Variants in THNSL1 observed in about 807,000 individuals in gnomAD.
The protein encoded by THNSL1 is threonine synthase like 1.
Under a neutral mutation model 50.4 loss-of-function variants are expected in THNSL1, and 48 were observed. The observed-to-expected ratio is 0.95, with a 90% confidence interval of 0.76 to 1.21. The LOEUF (loss-of-function observed/expected upper bound fraction) is 1.21. Ranked by LOEUF, THNSL1 falls within the 50% of genes most tolerant of loss-of-function variation. THNSL1 has a pLI of 0.00. For synonymous variants in THNSL1, 309 were observed against 306.1 expected, an observed-to-expected ratio of 1.01 and a Z score of -0.10; for missense variants, 896 against 871.7, an observed-to-expected ratio of 1.03 and a Z score of -0.35.
the THNSL1 span, chr10:24,983,334 C>T: frequency 6.6e-6 from 1 of 151,958 alleles, no homozygotes; most frequent in Non-Finnish European, 1.5e-5. Flanking sequence ...TCAGATGCAT[C>T]CTACCCACTC....
intron 2 of THNSL1, 116 bp from the exon 3 acceptor site, chr10:25,023,060 C>T: frequency 1.8e-6 from 1 of 571,122 alleles, no homozygotes; most frequent in Non-Finnish European, 2.8e-6. Context: ...GATTTTTAAA[C>T]AGTTTATGTA....
the THNSL1 span, among the ~76,000 whole-genome samples, chr10:24,996,456 G>GTGTATATATATA: frequency 2.7e-5 from 4 of 149,712 alleles, no homozygotes; most frequent in African/African-American, 9.9e-5. Flanking sequence ...GTGTGTGTGT[G>GTGTATATATATA]TATATATATA....
At chr10:25,005,621 G>T in the THNSL1 span, among the ~76,000 whole-genome samples, 3 of 152,292 alleles carry the variant, frequency 2.0e-5, no homozygotes, top group South Asian at 4.1e-4. Flanking sequence ...TTCTTGAGGA[G>T]AATTTTTACA....
chr10:25,016,199 G>C (rs1052941086), upstream of THNSL1: 1 of 1,171,542 alleles, frequency 8.5e-7, no homozygotes, highest in Admixed American at 4.6e-5. Context: ...CGAGGAAGTG[G>C]CAGGCAGCAC....
the THNSL1 span, among the ~76,000 whole-genome samples, chr10:24,962,844 G>T: frequency 6.6e-6 from 1 of 152,078 alleles, no homozygotes. Flanking sequence ...TTGTCTCTTG[G>T]CTTGAGAAAG....
chr10:25,014,595 C>T (rs1850523670), upstream of THNSL1, among the ~76,000 whole-genome samples: 1 of 151,926 alleles, frequency 6.6e-6, no homozygotes, highest in African/African-American at 2.4e-5. Context: ...AATAAAATAA[C>T]TCTCAAATTC....
rs760568760 is a variant in THNSL1 at position 25,023,309 on chromosome 10, C to T, written c.86C>T (p.Ala29Val). ...SSIHVKTDKH[A>V]QRFLSRTFAL... ...ATACATGTTAAAACGGATAAACATGCACAGCGATTTCTTTCAAGAACCTTT... is the reference window on the plus strand; with the variant it reads ...ATACATGTTAAAACGGATAAACATGTACAGCGATTTCTTTCAAGAACCTTT... Residue 29 changes from alanine (A) to valine (V), a missense_variant, in exon 3 of 3, where the codon GCA becomes GTA. Coordinates refer to ENST00000376356, the MANE Select transcript of THNSL1 (RefSeq NM_024838.5). 6.2e-7 allele frequency: 1 copy of T among 1,614,074 alleles called. No individual in the cohort carries two copies. Among genetic ancestry groups the T allele is most frequent in the South Asian group, 1.1e-5 (1 of 91,072 alleles).
the THNSL1 span, chr10:24,984,960 A>C: frequency 1.5e-6 from 2 of 1,373,972 alleles, no homozygotes; most frequent in Non-Finnish European, 2.0e-6. Context: ...AAGTAAAGGA[A>C]ATGGGAAAAG....
At chr10:24,990,897 C>G in the THNSL1 span, among the ~76,000 whole-genome samples, 2 of 152,022 alleles carry the variant, frequency 1.3e-5, no homozygotes, top group Non-Finnish European at 2.9e-5. Flanking sequence ...GTCAGGAGTT[C>G]GAGACCAGCC....
the THNSL1 span, among the ~76,000 whole-genome samples, chr10:24,974,751 T>C: frequency 6.6e-6 from 1 of 151,784 alleles, no homozygotes; most frequent in Admixed American, 6.6e-5. Context: ...TTATAAAATA[T>C]TCTTAGAAAA....
chr10:24,987,256 G>A, the THNSL1 span, among the ~76,000 whole-genome samples: 5 of 152,276 alleles, frequency 3.3e-5, no homozygotes, highest in African/African-American at 1.2e-4. Flanking sequence ...CGTAGGTGGT[G>A]GTAAATTCCT....
At chr10:24,956,954 C>A in the THNSL1 span, among the ~76,000 whole-genome samples, 1 of 152,154 alleles carries the variant, frequency 6.6e-6, no homozygotes, top group Non-Finnish European at 1.5e-5. Context: ...TTCTGTGAAC[C>A]TAACTAATGC....
the THNSL1 span, among the ~76,000 whole-genome samples, chr10:24,969,911 G>A: frequency 6.6e-5 from 10 of 152,098 alleles, no homozygotes; most frequent in East Asian, 3.8e-4. Flanking sequence ...GATGATACAC[G>A]GAAAAGAAAA....
rs758413188 is a variant in THNSL1, at chr10:25,024,922, C to G, written c.1699C>G (p.Leu567Val). 5.6e-6 allele frequency: 9 copies of G among 1,613,880 alleles called. No individual in the cohort carries two copies. The South Asian group carries it at 8.8e-5, about 16-fold the overall frequency. ...AACCTTTTCACCGTCAATAGATATT[C>G]TCAAATCTTCAAACCTAGAACGACA... Reference protein sequence around the residue: ...AQTFSPSIDILKSSNLERHLH... With the variant: ...AQTFSPSIDIVKSSNLERHLH... Residue 567 changes from leucine to valine, a missense_variant, in exon 3 of 3, where the codon CTC becomes GTC. Transcript: ENST00000376356.
At chr10:24,973,402 A>G in the THNSL1 span, among the ~76,000 whole-genome samples, 1 of 151,890 alleles carries the variant, frequency 6.6e-6, no homozygotes, top group African/African-American at 2.4e-5. Flanking sequence ...TCCAGGTGGG[A>G]TGGAGCAGGA....
the THNSL1 span, among the ~76,000 whole-genome samples, chr10:24,964,133 T>C: frequency 6.6e-6 from 1 of 152,200 alleles, no homozygotes; most frequent in Middle Eastern, 3.2e-3. Context: ...GCACCCCCAA[T>C]TGTAACCATC....
chr10:25,016,208 A>C (rs1850568457), upstream of THNSL1: 20 of 1,161,768 alleles, frequency 1.7e-5, no homozygotes, highest in Admixed American at 4.6e-5. Context: ...GGCAGGCAGC[A>C]CCGCAAACTA....
upstream of THNSL1, chr10:25,016,180 A>T: frequency 8.5e-7 from 1 of 1,183,156 alleles, no homozygotes; most frequent in Non-Finnish European, 1.0e-6. Flanking sequence ...GGAAACCGTT[A>T]CTAGGCAACG....
chr10:24,969,320 T>TA, the THNSL1 span, among the ~76,000 whole-genome samples: 1 of 152,210 alleles, frequency 6.6e-6, no homozygotes, highest in South Asian at 2.1e-4. Flanking sequence ...GGATGAGTGT[T>TA]ACGTACTTAA....
Sources: allele counts gnomAD v4.1 joint callset (sites outside exome capture counted in the v4.1 genomes callset), GRCh38; gene constraint gnomAD v4.1.1; transcripts MANE v1.5; gene names NCBI Gene and HGNC (gene_info 2026-07-23, HGNC 2026-07-21).